Variants in TBX4 observed in about 807,000 individuals in gnomAD.
The protein encoded by TBX4 is T-box transcription factor 4, also known as T-box transcription factor TBX4.
A neutral mutation model predicts 54.6 loss-of-function variants in TBX4; 13 were observed. The observed-to-expected ratio is 0.24, with a 90% CI of 0.15 to 0.38. The LOEUF is 0.38. TBX4 is among the 10% of genes least tolerant of loss of function. TBX4 has a pLI of 1.00. For synonymous variants in TBX4, 314 were observed against 306.7 expected (o/e 1.02, Z -0.25); for missense variants, 631 against 728.5 (o/e 0.87, Z 1.54).
At position 61,465,872 on chromosome 17, in the gene TBX4, A is replaced by G. The variant is rs377571192; in HGVS notation, c.335A>G (p.Lys112Arg). 116 of 1,614,002 alleles carry G rather than the reference A, an allele frequency of 7.2e-5. No homozygotes were observed. Among genetic ancestry groups the G allele is most frequent in the Non-Finnish European group, 9.7e-5 (115 of 1,180,018 alleles). The change falls in exon 4 of 9, where the codon AAG becomes AGG. Residue 112 changes from lysine to arginine, a missense_variant. By Grantham distance (26) the Lys-to-Arg change is conservative (BLOSUM62 2). Around this residue, in one of 3 missense-constraint regions of TBX4, gnomAD observed 154 missense variants for 238.6 expected, o/e 0.65. Coordinates refer to ENST00000644296, the MANE Select transcript of TBX4 (RefSeq NM_001321120.2). This position sits in a 1 kb window ranked among gnomAD's most constrained non-coding sequence, Gnocchi z 4.9. ...GTCACAGGCATGAACCCCAAGACCA[A>G]GTATATCCTGCTGATTGACATTGTC... is the stretch of plus-strand genomic sequence containing the variant. ...VKVTGMNPKT[K>R]YILLIDIVPA...
chr17:61,480,399 C>G lies in TBX4; in HGVS notation c.1021+80C>G, dbSNP rs572326816. The stretch of plus-strand genomic sequence containing the variant: ...CCCCGAAACCACTCTGCAGCGCCCC[C>G]CCCCCCAACACACACACACTCATCT... On this transcript the variant is annotated intron_variant, in intron 8 of 8. Transcript: ENST00000644296. This position sits in a 1 kb window ranked among gnomAD's most constrained non-coding sequence, Gnocchi z 6.2. 1.5e-5 allele frequency: 17 copies of G among 1,146,584 alleles called. No individual in the cohort carries two copies. Among genetic ancestry groups the G allele is most frequent in the African/African-American group, 4.6e-5 (3 of 64,900 alleles). 71.0% of individuals were successfully genotyped at this position (1,146,584 alleles called of 1,614,324 possible).
rs1166309755 is a variant in TBX4 at position 61,480,670 on chromosome 17, C to A, written c.1021+351C>A. On this transcript the variant is annotated intron_variant, in intron 8 of 8. Transcript: ENST00000644296. This position sits in a 1 kb window ranked among gnomAD's most constrained non-coding sequence, Gnocchi z 6.2. ...AAGTGCAGGAAGAGGCTGACACTTC[C>A]CAGTCCAGAGGTTTTGGGATTGGGG... is the stretch of plus-strand genomic sequence containing the variant. Among the ~76,000 whole-genome samples the A allele has an allele frequency of 6.6e-6, 1 of 151,880 alleles. No individual in the cohort carries two copies. The highest frequency in any genetic ancestry group is 1.5e-5 in the Non-Finnish European group (1 of 68,020).
chr17:61,471,665 T>C (rs898558596), intron 5 of TBX4, among the ~76,000 whole-genome samples: 1 of 151,970 alleles, frequency 6.6e-6, no homozygotes, highest in African/African-American at 2.4e-5. Context: ...ATAATATCTC[T>C]TGGAGAATAG....
rs1209628655 is a variant in TBX4, at chr17:61,459,213, C to A, written c.281+1582C>A. On this transcript the variant is annotated intron_variant, in intron 3 of 8. Coordinates refer to ENST00000644296, the MANE Select transcript of TBX4 (RefSeq NM_001321120.2). The surrounding 1 kb of genome is among the most constrained non-coding windows in gnomAD (Gnocchi z 4.8). ...TGTCACAGGCCCTGCCTCTTTCTGG[C>A]TGAGTGTACTTGGGCAAGTCACAGT... is the stretch of plus-strand genomic sequence containing the variant. Among the ~76,000 whole-genome samples the A allele has an allele frequency of 1.3e-5, 2 of 152,202 alleles. No individual in the cohort carries two copies. Among genetic ancestry groups the A allele is most frequent in the South Asian group, 2.1e-4 (1 of 4,832 alleles).
rs1395254263 is a variant in TBX4 at position 61,484,824 on chromosome 17, C to T, written c.*1308C>T. ...ATGTCAAATTCAGCTTTGCTTTCTA[C>T]AAATGAATGAACTTAATAAAAATAA... On this transcript the variant is annotated 3_prime_UTR_variant, in exon 9 of 9. Transcript: ENST00000644296. This position sits in a 1 kb window ranked among gnomAD's most constrained non-coding sequence, Gnocchi z 4.1. 6.7e-6 allele frequency: 1 copy of T among 148,196 alleles called. No individual in the cohort carries two copies. The highest frequency in any genetic ancestry group is 1.9e-4 in the East Asian group (1 of 5,140). 9.2% of individuals were successfully genotyped at this position (148,196 alleles called of 1,614,324 possible). A position where few individuals can be genotyped will look rare whatever the true frequency, so the allele number is the denominator to read the frequency against.
rs2060656860 is a variant in TBX4, at chr17:61,480,517, C to T, written c.1021+198C>T. On this transcript the variant is annotated intron_variant, in intron 8 of 8. Coordinates refer to ENST00000644296, the MANE Select transcript of TBX4 (RefSeq NM_001321120.2). This position sits in a 1 kb window ranked among gnomAD's most constrained non-coding sequence, Gnocchi z 6.2. ...TTTCCAGTGCAGGGATGCTGGTTCTCATCTCTCATGCTGCCTTTGGAACCC... is the reference window on the plus strand; with the variant it reads ...TTTCCAGTGCAGGGATGCTGGTTCTTATCTCTCATGCTGCCTTTGGAACCC... Among the ~76,000 whole-genome samples the T allele has an allele frequency of 6.6e-6, 1 of 152,160 alleles. No homozygotes were observed. The highest frequency in any genetic ancestry group is 2.1e-4 in the South Asian group (1 of 4,828).
rs2060504836 is a variant in TBX4, at chr17:61,462,645, G to C, written c.282-3174G>C. On this transcript the variant is annotated intron_variant, in intron 3 of 8. Coordinates refer to ENST00000644296, the MANE Select transcript of TBX4 (RefSeq NM_001321120.2). The surrounding 1 kb of genome is among the most constrained non-coding windows in gnomAD (Gnocchi z 4.5). ...CCGGGACAGGCGGGCTTCACCGCCA[G>C]CGCTGGTGGCAGGGCCTGCGTGGAC... Among the ~76,000 whole-genome samples the C allele has an allele frequency of 6.6e-6, 1 of 152,210 alleles. No individual in the cohort carries two copies. The highest frequency in any genetic ancestry group is 1.9e-4 in the East Asian group (1 of 5,184).
chr17:61,479,872 T>G lies in TBX4; in HGVS notation c.703-9T>G. 1 of 1,613,940 alleles carries G rather than the reference T, an allele frequency of 6.2e-7. No individual in the cohort carries two copies. Among genetic ancestry groups the G allele is most frequent in the Non-Finnish European group, 8.5e-7 (1 of 1,179,914 alleles). On this transcript the variant is annotated splice_polypyrimidine_tract_variant and intron_variant, in intron 6 of 8. Transcript: ENST00000644296. This position sits in a 1 kb window ranked among gnomAD's most constrained non-coding sequence, Gnocchi z 6.1. Reference sequence around the variant, plus strand: ...CACACTGGTGACCCTATGTGTTTTCTCCCCACAGATCACCCAGCTGAAAAT... The same window carrying G: ...CACACTGGTGACCCTATGTGTTTTCGCCCCACAGATCACCCAGCTGAAAAT...
At chr17:61,473,777 G>A (rs535834221) in intron 5 of TBX4, among the ~76,000 whole-genome samples, 71 of 152,298 alleles carry the variant, frequency 4.7e-4, no homozygotes, top group African/African-American at 1.6e-3. Context: ...TACTTTATAC[G>A]GATACTGTAA....
Position 61,475,756 on chromosome 17 carries a change from G to A in TBX4, c.550-2871G>A, listed in dbSNP as rs1375889821. ...CTAGTGTCCTGCACAGCCTTCATGAGGTGCTGGTGCCTATGGCTCTGTCCT... is the reference window on the plus strand; with the variant it reads ...CTAGTGTCCTGCACAGCCTTCATGAAGTGCTGGTGCCTATGGCTCTGTCCT... On this transcript the variant is annotated intron_variant, in intron 5 of 8. Coordinates refer to ENST00000644296, the MANE Select transcript of TBX4 (RefSeq NM_001321120.2). This position sits in a 1 kb window ranked among gnomAD's most constrained non-coding sequence, Gnocchi z 5.0. 6.6e-6 allele frequency among the ~76,000 whole-genome samples: 1 copy of A among 152,144 alleles called. No individual in the cohort carries two copies. The highest frequency in any genetic ancestry group is 2.4e-5 in the African/African-American group (1 of 41,428).
chr17:61,473,682 G>A (rs547181872), intron 5 of TBX4, among the ~76,000 whole-genome samples: 7 of 152,344 alleles, frequency 4.6e-5, no homozygotes, highest in African/African-American at 1.2e-4. Context: ...GCCTGAAATC[G>A]GCTGTCTGAT....
Position 61,484,803 on chromosome 17 carries a change from C to G in TBX4, c.*1287C>G, listed in dbSNP as rs1243947660. The G allele has an allele frequency of 6.7e-6, 1 of 148,312 alleles. No homozygotes were observed. Among genetic ancestry groups the G allele is most frequent in the Non-Finnish European group, 1.5e-5 (1 of 67,230 alleles). The allele number at this position is 148,312 out of a possible 1,614,324, so 9.2% of individuals were successfully genotyped here. ...TCTCTCACAAATGCAGGCCACATGT[C>G]AAATTCAGCTTTGCTTTCTACAAAT... On this transcript the variant is annotated 3_prime_UTR_variant, in exon 9 of 9. Transcript: ENST00000644296. This position sits in a 1 kb window ranked among gnomAD's most constrained non-coding sequence, Gnocchi z 4.1.
intron 8 of TBX4, 119 bp from the exon 9 acceptor site, chr17:61,482,778 G>A (rs1483397089): frequency 6.8e-7 from 1 of 1,461,712 alleles, no homozygotes; most frequent in African/African-American, 1.4e-5. Context: ...GGAGTGCCAT[G>A]GCAACATGGG....
chr17:61,482,960 T>C lies in TBX4; in HGVS notation c.1085T>C (p.Val362Ala), dbSNP rs775175284. The stretch of plus-strand genomic sequence containing the variant: ...TCCTATCTGGAAGCCCCCTCTTCGG[T>C]GGGGGAGGATCACTATTTCCGTTCC... ...KRSYLEAPSSVGEDHYFRSPP... is the reference protein window; with the variant it reads ...KRSYLEAPSSAGEDHYFRSPP... The change falls in exon 9 of 9, where the codon GTG becomes GCG. Residue 362 changes from valine (V) to alanine (A), a missense_variant. Val to Ala is a moderately conservative substitution (Grantham distance 64). Transcript: ENST00000644296. 6.2e-7 allele frequency: 1 copy of C among 1,613,908 alleles called. No homozygotes were observed. The highest frequency in any genetic ancestry group is 8.5e-7 in the Non-Finnish European group (1 of 1,179,908).
rs1433370666 is a variant in TBX4 at position 61,462,081 on chromosome 17, C to T, written c.282-3738C>T. Among the ~76,000 whole-genome samples, 1 of 152,216 alleles carries T rather than the reference C, an allele frequency of 6.6e-6. No homozygotes were observed. The highest frequency in any genetic ancestry group is 1.5e-5 in the Non-Finnish European group (1 of 68,038). Reference sequence around the variant, plus strand: ...TCCCTCAGCAGTGAGTTCGCAGTTACGGGTTTGTTGCCAGAATTAAAAAAG... The same window carrying T: ...TCCCTCAGCAGTGAGTTCGCAGTTATGGGTTTGTTGCCAGAATTAAAAAAG... On this transcript the variant is annotated intron_variant, in intron 3 of 8. Transcript: ENST00000644296. The surrounding 1 kb of genome is among the most constrained non-coding windows in gnomAD (Gnocchi z 4.5).
Position 61,480,065 on chromosome 17 carries a change from C to T in TBX4, c.792-25C>T. 6.2e-7 allele frequency: 1 copy of T among 1,612,254 alleles called. No homozygotes were observed. ...GTATCTTCACTCTCTTCCTGTCTCT[C>T]CTCCTGTCCTCCCCACCCCTTCAGC... On this transcript the variant is annotated intron_variant, in intron 7 of 8. Transcript: ENST00000644296. The surrounding 1 kb of genome is among the most constrained non-coding windows in gnomAD (Gnocchi z 6.2).
rs1433154021 is a variant in TBX4, at chr17:61,484,414, C to T, written c.*898C>T. ...TATGATGATGGGCAATTATGAAACA[C>T]GCCTCAGCTGGCATCATCCCCAGGA... On this transcript the variant is annotated 3_prime_UTR_variant, in exon 9 of 9. Coordinates refer to ENST00000644296, the MANE Select transcript of TBX4 (RefSeq NM_001321120.2). The surrounding 1 kb of genome is among the most constrained non-coding windows in gnomAD (Gnocchi z 4.1). 3.3e-5 allele frequency: 5 copies of T among 152,136 alleles called. No homozygotes were observed. The highest frequency in any genetic ancestry group is 5.9e-5 in the Non-Finnish European group (4 of 68,038). 9.4% of individuals were successfully genotyped at this position (152,136 alleles called of 1,614,324 possible).
chr17:61,467,448 C>A (rs556419530), intron 4 of TBX4, 62 bp from the exon 5 acceptor site: 1 of 1,606,492 alleles, frequency 6.2e-7, no homozygotes. Flanking sequence ...CAAGAGGGGA[C>A]GGGGAATCTG....
rs1405949282 is a variant in TBX4, at chr17:61,483,392, C to A, written c.1517C>A (p.Pro506Gln). 1.2e-6 allele frequency: 2 copies of A among 1,611,096 alleles called. No individual in the cohort carries two copies. Among genetic ancestry groups the A allele is most frequent in the Non-Finnish European group, 1.7e-6 (2 of 1,177,752 alleles). The change falls in exon 9 of 9, where the codon CCA (proline) becomes CAA (glutamine). Residue 506 changes from proline to glutamine, a missense_variant. Pro to Gln is a moderately conservative substitution (Grantham distance 76). Transcript: ENST00000644296. The surrounding 1 kb of genome is among the most constrained non-coding windows in gnomAD (Gnocchi z 6.6). ...CTCCCCCAAGGGTGTGAGAGGAAGCCACCCTCGCCACATCTAAATGCTGCC... is the reference window on the plus strand; with the variant it reads ...CTCCCCCAAGGGTGTGAGAGGAAGCAACCCTCGCCACATCTAAATGCTGCC... ...RGLPQGCERK[P>Q]PSPHLNAANE...
Sources: gnomAD v4.1 joint callset for allele counts (sites outside exome capture counted in the v4.1 genomes callset) on GRCh38, gnomAD v4.1.1 for gene constraint, gnomAD v4.1.1 regional missense constraint, Gnocchi (gnomAD v3.1) non-coding constraint, MANE v1.5 for transcripts, NCBI Gene and HGNC (gene_info 2026-07-23, HGNC 2026-07-21) for gene names.